Variants in FMN2 observed in about 807,000 individuals in gnomAD.
The protein encoded by FMN2 is formin-2.
Under a neutral mutation model 142.3 loss-of-function variants are expected in FMN2, and 51 were observed. The ratio of observed to expected loss-of-function variants is 0.36; its 90% CI spans 0.29 to 0.45. FMN2 has a LOEUF of 0.45. Among genes scored for constraint, FMN2 ranks in the 20% least tolerant of loss-of-function variants. FMN2 has a pLI of 1.00. For missense variants in FMN2, 1,936 were observed against 2,122.8 expected, an observed-to-expected ratio of 0.91 and a Z score of 1.73; for synonymous variants, 882 against 869.8, an observed-to-expected ratio of 1.01 and a Z score of -0.25.
At chr1:240,377,360 GT>G (rs1673081935) in intron 14 of FMN2, among the ~76,000 whole-genome samples, 1 of 150,266 alleles carries the variant, frequency 6.7e-6, no homozygotes, top group Non-Finnish European at 1.5e-5. Flanking sequence ...TTTGTCTTGT[GT>G]TTGCATAGTT....
Position 240,311,087 on chromosome 1 carries a change from A to C in FMN2, c.4215+16204A>C, listed in dbSNP as rs78942876. 7.2e-5 allele frequency among the ~76,000 whole-genome samples: 11 copies of C among 152,138 alleles called. No individual in the cohort carries two copies. The East Asian group carries it at 1.7e-3, about 24-fold the overall frequency. On this transcript the variant is annotated intron_variant, in intron 8 of 17. Transcript: ENST00000319653. ...CAGTTCTAATCCAATTAGAAGGAAG[A>C]AAAAAAAGCAGGTAAAGTAGAAAGA...
chr1:240,126,109 T>A (rs1175638291), intron 2 of FMN2, among the ~76,000 whole-genome samples: 2 of 152,178 alleles, frequency 1.3e-5, no homozygotes, highest in African/African-American at 4.8e-5. Context: ...GGATGCGCAG[T>A]CAAGGAGTTT....
At chr1:240,145,530 A>ATTTTTTTTTTTTTTTTTTTTTTTTTTT (rs71168902) in intron 2 of FMN2, 3 of 84,348 alleles carry the variant, frequency 3.6e-5, no homozygotes, top group African/African-American at 4.5e-5. Context: ...TTCTTTTTCT[A>ATTTTTTTTTTTTTTTTTTTTTTTTTTT]TTTTTTTTTT....
intron 14 of FMN2, among the ~76,000 whole-genome samples, chr1:240,363,221 T>C (rs535738967): frequency 6.6e-6 from 1 of 152,354 alleles, no homozygotes; most frequent in Non-Finnish European, 1.5e-5. Flanking sequence ...TCTGAAAATA[T>C]GATAAAGACA....
At chr1:240,184,396 C>CT in intron 3 of FMN2, among the ~76,000 whole-genome samples, 1 of 151,370 alleles carries the variant, frequency 6.6e-6, no homozygotes, top group Non-Finnish European at 1.5e-5. Context: ...ACCACCAGGC[C>CT]GGCTCATTTT....
At chr1:240,312,534 A>C (rs1408853656) in intron 8 of FMN2, among the ~76,000 whole-genome samples, 1 of 152,202 alleles carries the variant, frequency 6.6e-6, no homozygotes, top group Non-Finnish European at 1.5e-5. Flanking sequence ...GGCACATAGT[A>C]AGCACTACAA....
chr1:240,138,386 A>C (rs1663041546), intron 2 of FMN2, among the ~76,000 whole-genome samples: 1 of 152,088 alleles, frequency 6.6e-6, no homozygotes, highest in African/African-American at 2.4e-5. Flanking sequence ...GGTAGTAGAA[A>C]ATCCTTTTAT....
At chr1:240,465,979 G>A (rs916966589) in intron 16 of FMN2, among the ~76,000 whole-genome samples, 1 of 152,138 alleles carries the variant, frequency 6.6e-6, no homozygotes. Flanking sequence ...TGGGTCTGGG[G>A]TTACGTAGGG....
chr1:240,339,834 T>C (rs1054986541), intron 13 of FMN2, among the ~76,000 whole-genome samples: 3 of 151,956 alleles, frequency 2.0e-5, no homozygotes, highest in South Asian at 2.1e-4. Context: ...AATTTAATTT[T>C]ATTTATTTAC....
chr1:240,324,340 T>A (rs1671079622), intron 8 of FMN2, among the ~76,000 whole-genome samples: 1 of 152,044 alleles, frequency 6.6e-6, no homozygotes, highest in African/African-American at 2.4e-5. Context: ...AAACGATTTT[T>A]AAAAAATACA....
intron 15 of FMN2, among the ~76,000 whole-genome samples, chr1:240,434,529 TTTTTTTGTTTTG>T (rs1558103930): frequency 6.6e-6 from 1 of 150,702 alleles, no homozygotes; most frequent in African/African-American, 2.4e-5. Context: ...TTTGCTTGTT[TTTTTTTGTTTTG>T]TTTTTTGTTT....
intron 14 of FMN2, among the ~76,000 whole-genome samples, chr1:240,356,132 T>C (rs1466760330): frequency 6.6e-6 from 1 of 152,152 alleles, no homozygotes; most frequent in African/African-American, 2.4e-5. Context: ...ATAATGCTCA[T>C]TATTAATGTT....
intron 7 of FMN2, among the ~76,000 whole-genome samples, chr1:240,276,249 A>T (rs545246330): frequency 3.3e-5 from 5 of 152,338 alleles, no homozygotes; most frequent in African/African-American, 1.2e-4. Flanking sequence ...TTCAGGACAC[A>T]GGCATTAGAA....
intron 2 of FMN2, among the ~76,000 whole-genome samples, chr1:240,133,077 CCTT>C (rs1662804739): frequency 6.6e-6 from 1 of 152,218 alleles, no homozygotes; most frequent in Admixed American, 6.5e-5. Context: ...CAGGACATCT[CCTT>C]CTTTCCCCTA....
intron 2 of FMN2, among the ~76,000 whole-genome samples, chr1:240,131,426 G>A (rs1389486425): frequency 2.0e-5 from 3 of 152,114 alleles, no homozygotes; most frequent in Non-Finnish European, 2.9e-5. Flanking sequence ...AAGTCTATAG[G>A]TCGGGTGCGG....
chr1:240,313,085 A>G (rs1252520531), intron 8 of FMN2, among the ~76,000 whole-genome samples: 1 of 152,180 alleles, frequency 6.6e-6, no homozygotes, highest in Non-Finnish European at 1.5e-5. Context: ...TCCTATTGCA[A>G]CATTTGCTTT....
chr1:240,393,495 C>T (rs756860013), intron 15 of FMN2, among the ~76,000 whole-genome samples: 8 of 152,066 alleles, frequency 5.3e-5, no homozygotes, highest in South Asian at 2.1e-4. Flanking sequence ...CAGGCCTCCC[C>T]GTATTCCCTG....
chr1:240,473,054 T>C lies in FMN2; in HGVS notation c.5142+601T>C, dbSNP rs571835198. Reference sequence around the variant, plus strand: ...CAGGGTGGGGAGACCATCTTTCACTTTCTTTGTTACACACAGATCACGGCA... The same window carrying C: ...CAGGGTGGGGAGACCATCTTTCACTCTCTTTGTTACACACAGATCACGGCA... On this transcript the variant is annotated intron_variant, in intron 17 of 17. Coordinates refer to ENST00000319653, the MANE Select transcript of FMN2 (RefSeq NM_020066.5). This position sits in a 1 kb window ranked among gnomAD's most constrained non-coding sequence, Gnocchi z 4.3. Among the ~76,000 whole-genome samples the C allele has an allele frequency of 6.6e-6, 1 of 152,248 alleles. No homozygotes were observed.
chr1:240,257,375 G>T (rs1301464810), intron 6 of FMN2, among the ~76,000 whole-genome samples: 1 of 152,072 alleles, frequency 6.6e-6, no homozygotes, highest in Non-Finnish European at 1.5e-5. Flanking sequence ...CCCAAAATGT[G>T]GGTCAAATGC....
Sources: gnomAD v4.1 joint callset for allele counts (sites outside exome capture counted in the v4.1 genomes callset) on GRCh38, gnomAD v4.1.1 for gene constraint, Gnocchi (gnomAD v3.1) non-coding constraint, MANE v1.5 for transcripts, NCBI Gene and HGNC (gene_info 2026-07-23, HGNC 2026-07-21) for gene names.